Variants in IGSF9B observed in about 807,000 individuals in gnomAD.
The protein encoded by IGSF9B is protein turtle homolog B.
IGSF9B carries 48 observed loss-of-function variants against 143.7 expected under a neutral mutation model. The ratio of observed to expected loss-of-function variants is 0.33; its 90% CI spans 0.26 to 0.42. The LOEUF (loss-of-function observed/expected upper bound fraction) is 0.42. Ranked by LOEUF, IGSF9B falls within the 20% of genes least tolerant of loss-of-function variation. The pLI is 1.00. For missense variants in IGSF9B, 1,706 were observed against 1,980.0 expected, an observed-to-expected ratio of 0.86 and a Z score of 2.63; for synonymous variants, 903 against 833.1, an observed-to-expected ratio of 1.08 and a Z score of -1.44.
rs561199360 is a variant in IGSF9B at position 133,906,732 on chromosome 11, G to A, written c.*2337C>T. On this transcript the variant is annotated 3_prime_UTR_variant, in exon 20 of 20. Transcript: ENST00000533871. ...TCCCAGGAGGGTGCTCAGAAAAGTA[G>A]GCCAAATTCATCCTGAAGGCTGACA... Among the ~76,000 whole-genome samples, 12 of 152,272 alleles carry A rather than the reference G, an allele frequency of 7.9e-5. No homozygotes were observed. The East Asian group carries it at 2.3e-3, about 30-fold the overall frequency.
rs1249061600 is a variant in IGSF9B at position 133,956,503 on chromosome 11, C to G, written c.64+188G>C. Among the ~76,000 whole-genome samples, 3 of 130,904 alleles carry G rather than the reference C, an allele frequency of 2.3e-5. No homozygotes were observed. In the Admixed American group the frequency reaches 2.3e-4, roughly 10 times the overall value. The allele number at this position is 130,904 out of a possible 152,430, so 85.9% of individuals were successfully genotyped here. A position where few individuals can be genotyped will look rare whatever the true frequency, so the allele number is the denominator to read the frequency against. ...TCCCGCCCGCCCCTCCAGCCCACGGCCCCCAGGCCCTCCCCGGCAATGCTC... is the reference window on the plus strand; with the variant it reads ...TCCCGCCCGCCCCTCCAGCCCACGGGCCCCAGGCCCTCCCCGGCAATGCTC... On this transcript the variant is annotated intron_variant, in intron 1 of 19. Transcript: ENST00000533871.
chr11:133,918,242 G>A, intron 18 of IGSF9B, among the ~76,000 whole-genome samples: 1 of 136,746 alleles, frequency 7.3e-6, no homozygotes, highest in African/African-American at 2.6e-5. Flanking sequence ...CCGCCCAGCC[G>A]AGGAGCTCCC....
Position 133,939,519 on chromosome 11 carries a change from A to G in IGSF9B, c.410-1558T>C, listed in dbSNP as rs532565958. Among the ~76,000 whole-genome samples, 5 of 152,382 alleles carry G rather than the reference A, an allele frequency of 3.3e-5. No homozygotes were observed. The South Asian group carries it at 1.0e-3, about 32-fold the overall frequency. On this transcript the variant is annotated intron_variant, in intron 3 of 19. Coordinates refer to ENST00000533871, the MANE Select transcript of IGSF9B (RefSeq NM_001277285.4). ...CAAGGGCTCAGCAAACATTTGTTGAATGAACGAAAGAATGAAACAAACAAA... is the reference window on the plus strand; with the variant it reads ...CAAGGGCTCAGCAAACATTTGTTGAGTGAACGAAAGAATGAAACAAACAAA...
intron 11 of IGSF9B, among the ~76,000 whole-genome samples, 181 bp downstream of exon 11, chr11:133,930,803 C>T (rs143880402): frequency 1.4e-3 from 220 of 152,372 alleles, no homozygotes; most frequent in African/African-American, 4.3e-3. Flanking sequence ...TGCCCTTCCC[C>T]GACAGAGCCC....
intron 2 of IGSF9B, among the ~76,000 whole-genome samples, chr11:133,944,935 CTATG>C (rs1940019217): frequency 6.6e-6 from 1 of 152,104 alleles, no homozygotes; most frequent in African/African-American, 2.4e-5. Context: ...GCCAGAGAGA[CTATG>C]TATCCTACCA....
intron 15 of IGSF9B, 105 bp from the exon 16 acceptor site, chr11:133,922,835 A>AGT (rs1591713380): frequency 8.8e-7 from 1 of 1,130,864 alleles, no homozygotes; most frequent in African/African-American, 1.5e-5. Context: ...TAGAACAGAC[A>AGT]GTGTCAAGGC....
chr11:133,956,740 C>A lies in IGSF9B; in HGVS notation c.15G>T (p.Val5=). Residue 5 remains valine (V), a synonymous_variant, in exon 1 of 20, where the codon GTG becomes GTT. Coordinates refer to ENST00000533871, the MANE Select transcript of IGSF9B (RefSeq NM_001277285.4). MIWY[V]ATFIASVIGT... is the part of the protein sequence containing the mutation. ...CGATCACACTTGCTATGAAAGTGGC[C>A]ACATACCAAATCATAGTACTACCGC... The A allele has an allele frequency of 6.5e-7, 1 of 1,540,838 alleles. No individual in the cohort carries two copies. The highest frequency in any genetic ancestry group is 8.7e-7 in the Non-Finnish European group (1 of 1,144,854).
At chr11:133,926,730 C>G (rs1252726187) in intron 13 of IGSF9B, among the ~76,000 whole-genome samples, 186 bp downstream of exon 13, 4 of 152,260 alleles carry the variant, frequency 2.6e-5, no homozygotes, top group African/African-American at 9.6e-5. Context: ...CAATGGCACT[C>G]TGATGCAGGA....
In IGSF9B at chr11:133,920,002, C is replaced by A. The variant is rs201741561; in HGVS notation, c.3723G>T (p.Pro1241=). The A allele has an allele frequency of 1.3e-6, 2 of 1,580,778 alleles. No homozygotes were observed. The highest frequency in any genetic ancestry group is 1.1e-5 in the South Asian group (1 of 87,420). Residue 1241 remains proline (P), a synonymous_variant, in exon 18 of 20, where the codon CCG becomes CCT. Transcript: ENST00000533871. The part of the protein sequence containing the change: ...QAEMSEITLQ[P]PAAVSFSRKS... ...TTCGAGAAAAGCTGACTGCAGCCGG[C>A]GGCTGCAGGGTGATCTCTGACATCT...
At position 133,908,945 on chromosome 11, in the gene IGSF9B, G is replaced by A. The variant is rs1295335894; in HGVS notation, c.*124C>T. 2 of 796,472 alleles carry A rather than the reference G, an allele frequency of 2.5e-6. No homozygotes were observed. The highest frequency in any genetic ancestry group is 3.9e-6 in the Non-Finnish European group (2 of 507,388). 49.3% of individuals were successfully genotyped at this position (796,472 alleles called of 1,614,324 possible). ...GGGAGACACCCGCTCTGGCAAAAGA[G>A]GGGGCATGCAGGACAAAGGTCTGGG... On this transcript the variant is annotated 3_prime_UTR_variant, in exon 20 of 20. Transcript: ENST00000533871.
intron 3 of IGSF9B, among the ~76,000 whole-genome samples, chr11:133,940,049 C>T (rs1420645530): frequency 2.3e-5 from 3 of 132,478 alleles, no homozygotes; most frequent in Admixed American, 7.5e-5. Context: ...CGCATGTCCT[C>T]GCACGTGTCA....
chr11:133,902,329 C>A lies in IGSF9B; in HGVS notation c.*6740G>T, dbSNP rs1280338207. On this transcript the variant is annotated 3_prime_UTR_variant, in exon 20 of 20. Transcript: ENST00000533871. Reference sequence around the variant, plus strand: ...ACACCACAGATACACACACACCATACCACACACACCCCACACACATACACA... The same window carrying A: ...ACACCACAGATACACACACACCATAACACACACACCCCACACACATACACA... Among the ~76,000 whole-genome samples, 3 of 147,688 alleles carry A rather than the reference C, an allele frequency of 2.0e-5. No individual in the cohort carries two copies. The East Asian group carries it at 6.1e-4, about 30-fold the overall frequency.
chr11:133,921,441 T>A, intron 17 of IGSF9B, 44 bp from the exon 18 acceptor site: 1 of 1,399,332 alleles, frequency 7.1e-7, no homozygotes, highest in African/African-American at 1.4e-5. Flanking sequence ...GGTGGGGCAG[T>A]GTGCTGGCCA....
Position 133,937,308 on chromosome 11 carries a change from G to A in IGSF9B, c.679+68C>T, listed in dbSNP as rs113306109. On this transcript the variant is annotated intron_variant, in intron 5 of 19. Transcript: ENST00000533871. ...GCTGAGCCCTGGGAAAACGCCCTCC[G>A]TAGCTCAGCCGGGCTGGACATCCCC... 117 of 1,229,614 alleles carry A rather than the reference G, an allele frequency of 9.5e-5. 1 individual carries two copies. Among genetic ancestry groups the A allele is most frequent in the African/African-American group, 7.7e-4 (52 of 67,560 alleles). The allele number at this position is 1,229,614 out of a possible 1,614,324, so 76.2% of individuals were successfully genotyped here. A position where few individuals can be genotyped will look rare whatever the true frequency, so the allele number is the denominator to read the frequency against.
chr11:133,940,600 C>T lies in IGSF9B; in HGVS notation c.410-2639G>A, dbSNP rs573145319. ...CACACACCTCGCATGTCCTCGCACG[C>T]GTCATCACATAAACATACACCTTGC... On this transcript the variant is annotated intron_variant, in intron 3 of 19. Transcript: ENST00000533871. Among the ~76,000 whole-genome samples, 13 of 112,240 alleles carry T rather than the reference C, an allele frequency of 1.2e-4. No individual in the cohort carries two copies. In the South Asian group the frequency reaches 2.7e-3, roughly 23 times the overall value. The allele number at this position is 112,240 out of a possible 152,430, so 73.6% of individuals were successfully genotyped here. A position where few individuals can be genotyped will look rare whatever the true frequency, so the allele number is the denominator to read the frequency against.
At position 133,899,408 on chromosome 11, in the gene IGSF9B, T is replaced by A. The variant is rs547498687; in HGVS notation, c.*9661A>T. On this transcript the variant is annotated 3_prime_UTR_variant, in exon 20 of 20. Transcript: ENST00000533871. ...CCCTCTGACACCCAACCTTACCTCATCTTGCTGAGCAGTGGAGCAGAAAGG... is the reference window on the plus strand; with the variant it reads ...CCCTCTGACACCCAACCTTACCTCAACTTGCTGAGCAGTGGAGCAGAAAGG... 2 of 152,572 alleles carry A rather than the reference T, an allele frequency of 1.3e-5. No homozygotes were observed. The highest frequency in any genetic ancestry group is 2.1e-4 in the South Asian group (1 of 4,828). The allele number at this position is 152,572 out of a possible 1,614,324, so 9.5% of individuals were successfully genotyped here.
chr11:133,950,953 G>A (rs557303340), intron 1 of IGSF9B, among the ~76,000 whole-genome samples: 13 of 152,138 alleles, frequency 8.5e-5, no homozygotes, highest in South Asian at 2.1e-4. Flanking sequence ...GACAGCCACC[G>A]CCACCTCCAT....
rs1379974310 is a variant in IGSF9B, at chr11:133,900,431, T to G, written c.*8638A>C. On this transcript the variant is annotated 3_prime_UTR_variant, in exon 20 of 20. Coordinates refer to ENST00000533871, the MANE Select transcript of IGSF9B (RefSeq NM_001277285.4). ...GGCTGCAAGGCAGAGCCCTTGCATA[T>G]GTGTGAGGTCTGGAATTTGCTCAGA... 6.6e-6 allele frequency: 1 copy of G among 152,638 alleles called. No homozygotes were observed. The allele number at this position is 152,638 out of a possible 1,614,324, so 9.5% of individuals were successfully genotyped here.
At chr11:133,942,617 C>T (rs1565446122) in intron 3 of IGSF9B, among the ~76,000 whole-genome samples, 1 of 152,138 alleles carries the variant, frequency 6.6e-6, no homozygotes, top group Non-Finnish European at 1.5e-5. Flanking sequence ...ATGGTTTCAC[C>T]CTCCCATTCA....
Sources: gnomAD v4.1 joint callset for allele counts (sites outside exome capture counted in the v4.1 genomes callset) on GRCh38, gnomAD v4.1.1 for gene constraint, MANE v1.5 for transcripts, NCBI Gene and HGNC (gene_info 2026-07-23, HGNC 2026-07-21) for gene names.